Variants in FGF12 observed in about 807,000 individuals in gnomAD.
FGF12 encodes fibroblast growth factor 12B.
A neutral mutation model predicts 23.6 loss-of-function variants in FGF12; 14 were observed. The observed-to-expected ratio is 0.59, with a 90% CI of 0.39 to 0.93. FGF12 has a LOEUF of 0.93. Ranked by LOEUF, FGF12 falls within the 40% of genes least tolerant of loss-of-function variation. FGF12 has a pLI of 0.00. For missense variants in FGF12, 175 were observed against 217.8 expected (o/e 0.80, Z 1.24); for synonymous variants, 62 against 77.3 (o/e 0.80, Z 1.04).
At chr3:192,410,740 C>G (rs568277363) in intron 2 of FGF12, among the ~76,000 whole-genome samples, 3 of 152,234 alleles carry the variant, frequency 2.0e-5, no homozygotes, top group African/African-American at 7.2e-5. Flanking sequence ...GCAGCCTGCA[C>G]AGAGGATGAC....
chr3:192,695,246 T>C (rs1718077940), intron 2 of FGF12, among the ~76,000 whole-genome samples: 1 of 152,206 alleles, frequency 6.6e-6, no homozygotes. Flanking sequence ...CATTTTTCGT[T>C]GTGTCTTATT....
rs187255283 is a variant in FGF12, at chr3:192,283,668, C to G, written c.228+51693G>C. ...AGAAGCCGATTTTCAGTCACTCCTC[C>G]TACATCTTTATTCCATATGAGATGT... On this transcript the variant is annotated intron_variant, in intron 4 of 5. Transcript: ENST00000445105. 2.9e-3 allele frequency among the ~76,000 whole-genome samples: 441 copies of G among 152,122 alleles called. 4 individuals carry two copies. Among genetic ancestry groups the G allele is most frequent in the Middle Eastern group, 0.017 (5 of 294 alleles).
intron 2 of FGF12, among the ~76,000 whole-genome samples, chr3:192,605,191 A>T (rs185205516): frequency 6.6e-6 from 1 of 152,184 alleles, no homozygotes; most frequent in East Asian, 1.9e-4. Context: ...ATCCTGGCCA[A>T]CATGGTGAAA....
Position 192,416,326 on chromosome 3 carries a change from T to A in FGF12, c.14-55788A>T, listed in dbSNP as rs897368803. 3.6e-3 allele frequency among the ~76,000 whole-genome samples: 544 copies of A among 152,222 alleles called. 2 individuals carry two copies. The highest frequency in any genetic ancestry group is 0.012 in the African/African-American group (513 of 41,570). On this transcript the variant is annotated intron_variant, in intron 2 of 5. Transcript: ENST00000445105. ...TTTGTAGAATTCTCTAAGAGTAAAA[T>A]GTTAAGTACAAAGAGTATGCAATTT...
intron 2 of FGF12, among the ~76,000 whole-genome samples, chr3:192,364,476 C>CT (rs1312006645): frequency 6.6e-6 from 1 of 152,150 alleles, no homozygotes; most frequent in Non-Finnish European, 1.5e-5. Context: ...TCCATTTCCT[C>CT]TTTTTTCTGG....
chr3:192,712,207 T>C (rs1718711016), intron 2 of FGF12, among the ~76,000 whole-genome samples: 1 of 150,954 alleles, frequency 6.6e-6, no homozygotes. Flanking sequence ...ATATGAAAAA[T>C]AGAAACCTAT....
chr3:192,581,062 C>A (rs1176025686), intron 2 of FGF12, among the ~76,000 whole-genome samples: 1 of 152,032 alleles, frequency 6.6e-6, no homozygotes, highest in Non-Finnish European at 1.5e-5. Context: ...TTAAAATGTT[C>A]TATTTTTATA....
intron 4 of FGF12, among the ~76,000 whole-genome samples, chr3:192,325,631 C>T (rs1716778978): frequency 6.6e-6 from 1 of 152,128 alleles, no homozygotes; most frequent in South Asian, 2.1e-4. Flanking sequence ...GAGTGGGCAA[C>T]TGCTTTGTAC....
chr3:192,389,456 G>A (rs895304979), intron 2 of FGF12, among the ~76,000 whole-genome samples: 6 of 152,304 alleles, frequency 3.9e-5, no homozygotes, highest in African/African-American at 9.6e-5. Context: ...AACAGCATAC[G>A]TGCATTTTAA....
At chr3:192,174,741 G>GT (rs965144554) in intron 4 of FGF12, among the ~76,000 whole-genome samples, 4 of 144,630 alleles carry the variant, frequency 2.8e-5, no homozygotes, top group Non-Finnish European at 6.0e-5. Context: ...TACACGTGGA[G>GT]TAAAAAAAAA....
Position 192,516,299 on chromosome 3 carries a change from A to G in FGF12, c.14-155761T>C, listed in dbSNP as rs140651489. On this transcript the variant is annotated intron_variant, in intron 2 of 5. Coordinates refer to ENST00000445105, the MANE Select transcript of FGF12 (RefSeq NM_004113.6). Reference sequence around the variant, plus strand: ...GAATAATCCAGGTGACAGTGAACTCAGCAGCTCCCTAGGTAATTCATTGCA... The same window carrying G: ...GAATAATCCAGGTGACAGTGAACTCGGCAGCTCCCTAGGTAATTCATTGCA... Among the ~76,000 whole-genome samples, 640 of 152,316 alleles carry G rather than the reference A, an allele frequency of 4.2e-3. 1 individual carries two copies. The highest frequency in any genetic ancestry group is 6.3e-3 in the Non-Finnish European group (426 of 68,024).
At chr3:192,601,380 G>A (rs1292968371) in intron 2 of FGF12, among the ~76,000 whole-genome samples, 2 of 152,060 alleles carry the variant, frequency 1.3e-5, no homozygotes, top group African/African-American at 4.8e-5. Context: ...CCATACCACT[G>A]TAGTGTGATT....
chr3:192,708,023 G>A (rs932963214), intron 2 of FGF12, among the ~76,000 whole-genome samples: 1 of 152,074 alleles, frequency 6.6e-6, no homozygotes, highest in African/African-American at 2.4e-5. Flanking sequence ...GCTGTGGCGC[G>A]ATCTCGGCTC....
chr3:192,261,175 T>TA (rs1712725600), intron 4 of FGF12, among the ~76,000 whole-genome samples: 1 of 152,086 alleles, frequency 6.6e-6, no homozygotes, highest in South Asian at 2.1e-4. Context: ...AAGGAATCTT[T>TA]AAAGATTCCA....
intron 2 of FGF12, among the ~76,000 whole-genome samples, chr3:192,638,098 G>A (rs929025683): frequency 1.3e-5 from 2 of 152,128 alleles, no homozygotes; most frequent in Non-Finnish European, 2.9e-5. Context: ...CTATGTGTGT[G>A]TGTGTTTGTG....
intron 4 of FGF12, among the ~76,000 whole-genome samples, chr3:192,309,558 T>G (rs1027404518): frequency 6.6e-6 from 1 of 151,974 alleles, no homozygotes; most frequent in African/African-American, 2.4e-5. Context: ...GGGAGAGAGG[T>G]ACAAGCAGAA....
At position 192,452,696 on chromosome 3, in the gene FGF12, T is replaced by C. The variant is rs1249880404; in HGVS notation, c.14-92158A>G. 4.6e-5 allele frequency among the ~76,000 whole-genome samples: 7 copies of C among 152,252 alleles called. No homozygotes were observed. In the East Asian group the frequency reaches 1.2e-3, roughly 25 times the overall value. The stretch of plus-strand genomic sequence containing the variant: ...CTGGAGTTGTTCAGTGCACAGCCTA[T>C]GTGGCTCCACTCAGCATCCTTGTCC... On this transcript the variant is annotated intron_variant, in intron 2 of 5. Coordinates refer to ENST00000445105, the MANE Select transcript of FGF12 (RefSeq NM_004113.6).
intron 2 of FGF12, chr3:192,673,091 A>G (rs1264866317): frequency 6.0e-5 from 9 of 150,956 alleles, no homozygotes; most frequent in Admixed American, 2.0e-4. Context: ...CCAGTCCTTA[A>G]TAGGAAATTG....
rs559662653 is a variant in FGF12 at position 192,264,598 on chromosome 3, AC to A, written c.228+70762del. 1.4e-3 allele frequency among the ~76,000 whole-genome samples: 215 copies of A among 152,190 alleles called. 2 individuals are homozygous for A. The highest frequency in any genetic ancestry group is 5.0e-3 in the African/African-American group (209 of 41,550). On this transcript the variant is annotated intron_variant, in intron 4 of 5. Transcript: ENST00000445105. ...TCAACCTAAGGAAGTAGCTATTATT[AC>A]CCCCACTTTCCAGAAGAGGAAACTG...
Sources: gnomAD v4.1 joint callset for allele counts (sites outside exome capture counted in the v4.1 genomes callset) on GRCh38, gnomAD v4.1.1 for gene constraint, MANE v1.5 for transcripts, NCBI Gene and HGNC (gene_info 2026-07-23, HGNC 2026-07-21) for gene names.